MBOAT2: variants seen among roughly 807,000 people sequenced by gnomAD.
The protein encoded by MBOAT2 is membrane bound glycerophospholipid O-acyltransferase 2.
MBOAT2 carries 28 observed loss-of-function variants against 63.4 expected under a neutral mutation model. The observed-to-expected ratio is 0.44, with a 90% CI of 0.33 to 0.61. The LOEUF is 0.61. Ranked by LOEUF, MBOAT2 falls within the 20% of genes least tolerant of loss-of-function variation. The pLI, the probability that MBOAT2 is intolerant of heterozygous loss-of-function variation, is 0.03. For missense variants in MBOAT2, 470 were observed against 605.8 expected (o/e 0.78, Z 2.35); for synonymous variants, 211 against 215.6 (o/e 0.98, Z 0.19).
At chr2:8,968,698 CTGAAA>C (rs938387708) in intron 1 of MBOAT2, among the ~76,000 whole-genome samples, 7 of 152,142 alleles carry the variant, frequency 4.6e-5, no homozygotes, top group African/African-American at 1.7e-4. Flanking sequence ...CCTGATGTAG[CTGAAA>C]ACCATGGCAT....
chr2:8,958,186 G>C (rs1469312625), intron 2 of MBOAT2, among the ~76,000 whole-genome samples: 1 of 152,132 alleles, frequency 6.6e-6, no homozygotes, highest in Non-Finnish European at 1.5e-5. Flanking sequence ...TGGCTTTTCT[G>C]TCAGTATAAA....
chr2:8,912,410 AGAAAGACAGGCC>A (rs1665855474), intron 3 of MBOAT2, among the ~76,000 whole-genome samples: 3 of 143,068 alleles, frequency 2.1e-5, no homozygotes, highest in African/African-American at 7.7e-5. Flanking sequence ...AAAGAAAGAA[AGAAAGACAGGCC>A]GGCCGGCCTT....
chr2:8,873,397 C>T, intron 7 of MBOAT2, 97 bp from the exon 8 acceptor site: 1 of 1,241,580 alleles, frequency 8.1e-7, no homozygotes, highest in African/African-American at 1.5e-5. Context: ...AATGGATCAT[C>T]AGTCCTACAA....
intron 3 of MBOAT2, among the ~76,000 whole-genome samples, chr2:8,938,884 T>G (rs1667856663): frequency 6.6e-6 from 1 of 152,192 alleles, no homozygotes. Context: ...TCCTCGTATC[T>G]AATTCACATA....
In MBOAT2 at chr2:8,877,058, T is replaced by G; in HGVS notation, c.662A>C (p.Gln221Pro). ...TGGAGATGGCTCTGTTCTTTCATAC[T>G]GTGTCTCTTCTTTTCCATTTTCACC... ...QSGENGKEETQYERTEPSPNT... is the reference protein window; with the variant it reads ...QSGENGKEETPYERTEPSPNT... Residue 221 changes from glutamine (Q) to proline (P), a missense_variant, in exon 7 of 13, where the codon CAG becomes CCG. Transcript: ENST00000305997. The G allele has an allele frequency of 1.2e-6, 2 of 1,613,010 alleles. No homozygotes were observed. The highest frequency in any genetic ancestry group is 8.5e-7 in the Non-Finnish European group (1 of 1,179,670).
intron 1 of MBOAT2, among the ~76,000 whole-genome samples, chr2:8,972,009 A>G (rs1378656553): frequency 1.3e-5 from 2 of 152,234 alleles, no homozygotes; most frequent in South Asian, 2.1e-4. Flanking sequence ...CAGAATTGGA[A>G]AAAACTACTT....
chr2:8,899,288 G>A (rs1203036755), intron 4 of MBOAT2, among the ~76,000 whole-genome samples: 1 of 152,150 alleles, frequency 6.6e-6, no homozygotes, highest in Non-Finnish European at 1.5e-5. Context: ...GGACTTTCAG[G>A]CATAACAAGG....
intron 1 of MBOAT2, among the ~76,000 whole-genome samples, chr2:8,991,106 T>A (rs903706745): frequency 1.3e-5 from 2 of 152,242 alleles, no homozygotes; most frequent in African/African-American, 4.8e-5. Context: ...ACACTCACAG[T>A]GAAGCACACT....
chr2:8,948,339 A>C lies in MBOAT2; in HGVS notation c.222-5075T>G, dbSNP rs1019464004. Among the ~76,000 whole-genome samples the C allele has an allele frequency of 1.3e-5, 2 of 151,980 alleles. 1 individual carries two copies. The highest frequency in any genetic ancestry group is 4.8e-5 in the African/African-American group (2 of 41,362). On this transcript the variant is annotated intron_variant, in intron 2 of 12. Coordinates refer to ENST00000305997, the MANE Select transcript of MBOAT2 (RefSeq NM_138799.4). Reference sequence around the variant, plus strand: ...ACTGTTGAAATAACAACAACAAAAAATTTTTTTTCCAACTTCTATTTTATA... The same window carrying C: ...ACTGTTGAAATAACAACAACAAAAACTTTTTTTTCCAACTTCTATTTTATA...
intron 3 of MBOAT2, among the ~76,000 whole-genome samples, chr2:8,937,792 G>A (rs1402260356): frequency 2.6e-5 from 4 of 152,178 alleles, no homozygotes; most frequent in Admixed American, 2.6e-4. Context: ...CTTTTAAGAA[G>A]TATTTACTGA....
chr2:8,882,270 C>T (rs970270425), intron 6 of MBOAT2, among the ~76,000 whole-genome samples: 15 of 152,206 alleles, frequency 9.9e-5, no homozygotes, highest in Admixed American at 8.5e-4. Flanking sequence ...AGCAGCTAAC[C>T]TCGTGGCCCA....
intron 1 of MBOAT2, among the ~76,000 whole-genome samples, chr2:8,977,056 G>C (rs1042270295): frequency 2.0e-5 from 3 of 152,062 alleles, no homozygotes; most frequent in Non-Finnish European, 4.4e-5. Context: ...AGGCAGGAGG[G>C]AGACGGTACT....
chr2:8,963,110 A>G (rs977406220), intron 1 of MBOAT2, among the ~76,000 whole-genome samples: 2 of 151,926 alleles, frequency 1.3e-5, no homozygotes, highest in African/African-American at 4.8e-5. Context: ...ATGGTGGTGC[A>G]CACCAGTAGT....
intron 1 of MBOAT2, among the ~76,000 whole-genome samples, chr2:8,976,000 G>T (rs931674564): frequency 1.3e-5 from 2 of 151,972 alleles, no homozygotes; most frequent in African/African-American, 4.8e-5. Context: ...TGTTCTGCAG[G>T]ACAAGCCTGT....
In MBOAT2 at chr2:8,974,535, A is replaced by C. The variant is rs1190567548; in HGVS notation, c.76-15893T>G. The C allele has an allele frequency of 7.2e-6, 3 of 415,744 alleles. No homozygotes were observed. The Admixed American group carries it at 7.9e-5, about 11-fold the overall frequency. 25.8% of individuals were successfully genotyped at this position (415,744 alleles called of 1,614,324 possible). A position where few individuals can be genotyped will look rare whatever the true frequency, so the allele number is the denominator to read the frequency against. ...AATTAACCAATCCAGAAAGCATGCTATCTCTGTATTTCCAAGAGGTAACAG... is the reference window on the plus strand; with the variant it reads ...AATTAACCAATCCAGAAAGCATGCTCTCTCTGTATTTCCAAGAGGTAACAG... On this transcript the variant is annotated intron_variant, in intron 1 of 12. Coordinates refer to ENST00000305997, the MANE Select transcript of MBOAT2 (RefSeq NM_138799.4).
intron 3 of MBOAT2, among the ~76,000 whole-genome samples, chr2:8,909,563 G>A (rs1172443524): frequency 6.6e-6 from 1 of 151,750 alleles, no homozygotes; most frequent in African/African-American, 2.4e-5. Flanking sequence ...AGAAATCAAG[G>A]GAGAAAAAAA....
At position 8,858,759 on chromosome 2, in the gene MBOAT2, G is replaced by C. The variant is rs1661286624; in HGVS notation, c.1483C>G (p.Gln495Glu). ...KFDEGENSLG[Q>E]NSFSTTNNVC... ...TTGTTTGTTGTAGAAAAACTGTTCT[G>C]TCCCAAAGAATTTTCTCCTTCATCA... is the stretch of plus-strand genomic sequence containing the variant. The change falls in exon 13 of 13, where the codon CAG (glutamine) becomes GAG (glutamate). Residue 495 changes from glutamine (Q) to glutamate (E), a missense_variant. Gln to Glu is a conservative substitution (Grantham distance 29). Around this residue, in one of 3 missense-constraint regions of MBOAT2, gnomAD observed 90 missense variants for 84.9 expected, o/e 1.06. Transcript: ENST00000305997. 6.2e-7 allele frequency: 1 copy of C among 1,613,818 alleles called. No individual in the cohort carries two copies. The highest frequency in any genetic ancestry group is 8.5e-7 in the Non-Finnish European group (1 of 1,179,986).
At chr2:8,916,497 C>T (rs1333338306) in intron 3 of MBOAT2, among the ~76,000 whole-genome samples, 1 of 152,092 alleles carries the variant, frequency 6.6e-6, no homozygotes, top group Non-Finnish European at 1.5e-5. Flanking sequence ...GTGGAAATTG[C>T]TCAGGGAAAT....
intron 4 of MBOAT2, among the ~76,000 whole-genome samples, chr2:8,889,598 C>T (rs901488245): frequency 5.9e-5 from 9 of 152,156 alleles, no homozygotes; most frequent in Admixed American, 3.9e-4. Flanking sequence ...GATAAAAATG[C>T]CCTATAATTT....
Sources: allele counts gnomAD v4.1 joint callset (sites outside exome capture counted in the v4.1 genomes callset), GRCh38; gene constraint gnomAD v4.1.1; regional missense constraint gnomAD v4.1.1; transcripts MANE v1.5; gene names NCBI Gene and HGNC (gene_info 2026-07-23, HGNC 2026-07-21).